RYR3: variants seen among roughly 807,000 people sequenced by gnomAD.
RYR3 encodes the protein ryanodine receptor 3, also known as brain ryanodine receptor-calcium release channel.
Under a neutral mutation model 584.3 loss-of-function variants are expected in RYR3, and 207 were observed. That is an observed-to-expected ratio of 0.35 (90% CI 0.32 to 0.40). RYR3 has a LOEUF of 0.40. Among genes scored for constraint, RYR3 ranks in the 10% least tolerant of loss-of-function variants. RYR3 has a pLI of 1.00. For synonymous variants in RYR3, 2,416 were observed against 2,248.5 expected, an observed-to-expected ratio of 1.07 and a Z score of -2.11; for missense variants, 5,616 against 6,089.2, an observed-to-expected ratio of 0.92 and a Z score of 2.59.
At chr15:33,498,641 C>T (rs1328945467) in intron 2 of RYR3, among the ~76,000 whole-genome samples, 2 of 152,078 alleles carry the variant, frequency 1.3e-5, no homozygotes, top group Non-Finnish European at 2.9e-5. Context: ...CAGGCCGTCT[C>T]TTTACTCTGT....
chr15:33,568,917 A>T (rs2152494183), intron 12 of RYR3, among the ~76,000 whole-genome samples: 1 of 152,318 alleles, frequency 6.6e-6, no homozygotes. Context: ...AAATTAATAA[A>T]TCATAAAATA....
At chr15:33,450,108 AAAAG>A (rs2047000939) in intron 1 of RYR3, among the ~76,000 whole-genome samples, 2 of 145,986 alleles carry the variant, frequency 1.4e-5, no homozygotes, top group South Asian at 2.2e-4. Context: ...AAAAAAAAAA[AAAAG>A]CCGGCAACTG....
chr15:33,460,037 C>T (rs1394452331), intron 1 of RYR3, among the ~76,000 whole-genome samples: 1 of 152,130 alleles, frequency 6.6e-6, no homozygotes, highest in Non-Finnish European at 1.5e-5. Context: ...TTTGGTTTGG[C>T]TAAGCACTCT....
intron 18 of RYR3, among the ~76,000 whole-genome samples, chr15:33,611,795 A>C (rs2152566221): frequency 6.6e-6 from 1 of 152,004 alleles, no homozygotes; most frequent in East Asian, 2.0e-4. Context: ...AGTAGCTGGG[A>C]CTACAGGTGC....
At chr15:33,435,465 A>ATG (rs1044142138) in intron 1 of RYR3, among the ~76,000 whole-genome samples, 6 of 152,014 alleles carry the variant, frequency 3.9e-5, no homozygotes, top group African/African-American at 1.2e-4. Flanking sequence ...GGATATGTGT[A>ATG]TGTGTGTGTG....
chr15:33,757,083 G>A (rs1049965409), intron 59 of RYR3, among the ~76,000 whole-genome samples: 2 of 152,152 alleles, frequency 1.3e-5, no homozygotes, highest in Admixed American at 1.3e-4. Context: ...AGGACTAAAG[G>A]CACAGAAGGG....
chr15:33,699,381 CCTCTCTCTCT>C (rs923977895), intron 40 of RYR3, among the ~76,000 whole-genome samples: 1 of 148,628 alleles, frequency 6.7e-6, no homozygotes, highest in Admixed American at 6.7e-5. Flanking sequence ...CACTCTCTCT[CCTCTCTCTCT>C]CTCTCATCTC....
At chr15:33,489,375 A>G (rs2050774070) in intron 2 of RYR3, among the ~76,000 whole-genome samples, 1 of 152,138 alleles carries the variant, frequency 6.6e-6, no homozygotes, top group South Asian at 2.1e-4. Context: ...TTCGCCCTCA[A>G]GTAGACCCAT....
At chr15:33,362,566 TCCTACTTA>T (rs1222233274) in intron 1 of RYR3, among the ~76,000 whole-genome samples, 2 of 152,240 alleles carry the variant, frequency 1.3e-5, no homozygotes, top group Non-Finnish European at 2.9e-5. Context: ...GTTCCCAGTG[TCCTACTTA>T]GGAGGACCCA....
At chr15:33,561,260 T>C (rs540736377) in intron 10 of RYR3, among the ~76,000 whole-genome samples, 6 of 152,354 alleles carry the variant, frequency 3.9e-5, no homozygotes, top group Admixed American at 3.9e-4. Context: ...ACATTTTACA[T>C]TATGATGTGC....
chr15:33,460,056 T>C (rs1165214147), intron 1 of RYR3, among the ~76,000 whole-genome samples: 2 of 152,214 alleles, frequency 1.3e-5, no homozygotes, highest in Admixed American at 1.3e-4. Context: ...CTAAGAACTT[T>C]TACTGCAGTA....
chr15:33,679,305 A>G (rs2152737991), intron 38 of RYR3, among the ~76,000 whole-genome samples: 1 of 152,312 alleles, frequency 6.6e-6, no homozygotes, highest in Admixed American at 6.5e-5. Context: ...TCCTCGCTGT[A>G]AATGTTTAGT....
At chr15:33,611,868 A>T (rs1425857391) in intron 18 of RYR3, among the ~76,000 whole-genome samples, 1 of 152,104 alleles carries the variant, frequency 6.6e-6, no homozygotes, top group South Asian at 2.1e-4. Context: ...CATGTTGGCC[A>T]GGCTGGTCTC....
chr15:33,702,432 G>A (rs751512856), intron 42 of RYR3, among the ~76,000 whole-genome samples: 4 of 152,174 alleles, frequency 2.6e-5, no homozygotes, highest in Non-Finnish European at 5.9e-5. Flanking sequence ...TGTGAGAAGC[G>A]TTTGAAGCCA....
At position 33,550,404 on chromosome 15, in the gene RYR3, AG is replaced by A; in HGVS notation, c.972+90del. On this transcript the variant is annotated intron_variant, in intron 10 of 103. Coordinates refer to ENST00000634891, the MANE Select transcript of RYR3 (RefSeq NM_001036.6). ...CAGAACTATAACTGGAAAAGAAAGT[AG>A]GCTGGAACAAAGTGAAATTGGAAAT... 8 of 1,321,898 alleles carry A rather than the reference AG, an allele frequency of 6.1e-6. No homozygotes were observed. The South Asian group carries it at 7.5e-5, about 12-fold the overall frequency. The allele number at this position is 1,321,898 out of a possible 1,614,324, so 81.9% of individuals were successfully genotyped here. A position where few individuals can be genotyped will look rare whatever the true frequency, so the allele number is the denominator to read the frequency against.
chr15:33,471,255 G>A (rs550510536), intron 1 of RYR3, among the ~76,000 whole-genome samples: 33 of 152,278 alleles, frequency 2.2e-4, no homozygotes, highest in Non-Finnish European at 3.5e-4. Flanking sequence ...AGTAGAAATC[G>A]TTTGGAGAAG....
At chr15:33,600,702 C>G (rs2059617940) in intron 16 of RYR3, among the ~76,000 whole-genome samples, 1 of 151,932 alleles carries the variant, frequency 6.6e-6, no homozygotes, top group Non-Finnish European at 1.5e-5. Context: ...ATACCAATCT[C>G]CAGAAATTAA....
chr15:33,863,438 A>G (rs181325185), intron 102 of RYR3, among the ~76,000 whole-genome samples: 9 of 152,282 alleles, frequency 5.9e-5, no homozygotes, highest in Admixed American at 5.9e-4. Context: ...TCAGAAGGAC[A>G]TAATTTCTAC....
chr15:33,467,454 T>G (rs1379142849), intron 1 of RYR3: 1 of 984,222 alleles, frequency 1.0e-6, no homozygotes, highest in Non-Finnish European at 1.2e-6. Context: ...CAGAGATGGC[T>G]CTCTATTGTT....
Sources: gnomAD v4.1 joint callset for allele counts (sites outside exome capture counted in the v4.1 genomes callset) on GRCh38, gnomAD v4.1.1 for gene constraint, MANE v1.5 for transcripts, NCBI Gene and HGNC (gene_info 2026-07-23, HGNC 2026-07-21) for gene names.